Variants in ADCY5 observed in about 807,000 individuals in gnomAD.
ADCY5 encodes adenylate cyclase type 5.
Under a neutral mutation model 119.7 loss-of-function variants are expected in ADCY5, and 30 were observed. The ratio of observed to expected loss-of-function variants is 0.25; its 90% confidence interval spans 0.19 to 0.34. The LOEUF (loss-of-function observed/expected upper bound fraction) is 0.34, where lower values mean the gene tolerates loss of function less well. Among genes scored for constraint, ADCY5 ranks in the 10% least tolerant of loss-of-function variants. The pLI, the probability that ADCY5 is intolerant of heterozygous loss-of-function variation, is 1.00. For missense variants in ADCY5, 1,324 were observed against 1,775.2 expected, an observed-to-expected ratio of 0.75 and a Z score of 4.57; for synonymous variants, 753 against 762.2, an observed-to-expected ratio of 0.99 and a Z score of 0.20.
At chr3:123,285,618 G>A (rs1331886898) in intron 20 of ADCY5, among the ~76,000 whole-genome samples, 2 of 152,248 alleles carry the variant, frequency 1.3e-5, no homozygotes, top group Non-Finnish European at 2.9e-5. Context: ...ACCCCACTGT[G>A]TTACTAGCTG....
Position 123,378,189 on chromosome 3 carries a change from C to A in ADCY5, c.1135-25608G>T, listed in dbSNP as rs142115667. Reference sequence around the variant, plus strand: ...AGCACCCACGTGGTCACTCAACTCTCATCTTCACAGTCTGGCCAAATCCCA... The same window carrying A: ...AGCACCCACGTGGTCACTCAACTCTAATCTTCACAGTCTGGCCAAATCCCA... On this transcript the variant is annotated intron_variant, in intron 1 of 20. Coordinates refer to ENST00000462833, the MANE Select transcript of ADCY5 (RefSeq NM_183357.3). 2.9e-3 allele frequency among the ~76,000 whole-genome samples: 444 copies of A among 152,244 alleles called. 2 individuals are homozygous for A. The highest frequency in any genetic ancestry group is 5.1e-3 in the Non-Finnish European group (347 of 68,022).
At chr3:123,338,764 T>TCAGCCCTC (rs1278510327) in intron 3 of ADCY5, among the ~76,000 whole-genome samples, 1 of 152,216 alleles carries the variant, frequency 6.6e-6, no homozygotes, top group Admixed American at 6.5e-5. Context: ...AACAGGCCCT[T>TCAGCCCTC]CAGCCCTCCA....
At chr3:123,294,220 A>C (rs987839782) in intron 17 of ADCY5, among the ~76,000 whole-genome samples, 1 of 152,252 alleles carries the variant, frequency 6.6e-6, no homozygotes, top group Non-Finnish European at 1.5e-5. Context: ...CCAACCAGCA[A>C]GTCCAGAAGG....
At chr3:123,403,469 C>T (rs996833372) in intron 1 of ADCY5, among the ~76,000 whole-genome samples, 10 of 151,994 alleles carry the variant, frequency 6.6e-5, no homozygotes, top group East Asian at 3.8e-4. Context: ...CCACCACCAA[C>T]GGCCTGTGTT....
At chr3:123,424,054 C>T (rs1159023922) in intron 1 of ADCY5, among the ~76,000 whole-genome samples, 1 of 152,232 alleles carries the variant, frequency 6.6e-6, no homozygotes, top group Non-Finnish European at 1.5e-5. Flanking sequence ...CATGGTGAGG[C>T]CACCGTCCTA....
chr3:123,395,044 G>C (rs900916976), intron 1 of ADCY5, among the ~76,000 whole-genome samples: 1 of 152,196 alleles, frequency 6.6e-6, no homozygotes, highest in Non-Finnish European at 1.5e-5. Flanking sequence ...ATGACCCTTT[G>C]GACAGTCCCC....
At chr3:123,345,751 CAG>C (rs1269775366) in intron 3 of ADCY5, among the ~76,000 whole-genome samples, 574 of 51,442 alleles carry the variant, frequency 0.011, 3 homozygotes, top group African/African-American at 0.027. Context: ...GACAGACAGA[CAG>C]ACAGACAGAC....
At chr3:123,384,579 C>T (rs1329232150) in intron 1 of ADCY5, among the ~76,000 whole-genome samples, 1 of 152,200 alleles carries the variant, frequency 6.6e-6, no homozygotes, top group Non-Finnish European at 1.5e-5. Flanking sequence ...ACAGACACTG[C>T]CCTTCCTCTG....
intron 1 of ADCY5, among the ~76,000 whole-genome samples, chr3:123,359,362 A>ATATATATATATATG (rs1943162312): frequency 7.8e-6 from 1 of 128,464 alleles, no homozygotes; most frequent in Non-Finnish European, 1.7e-5. Context: ...ATATATATAT[A>ATATATATATATATG]TTCATTATTT....
chr3:123,366,153 C>T (rs922131150), intron 1 of ADCY5, among the ~76,000 whole-genome samples: 1 of 152,200 alleles, frequency 6.6e-6, no homozygotes, highest in East Asian at 1.9e-4. Context: ...AGTTTGTTTT[C>T]TTTGTTTTTA....
Position 123,327,775 on chromosome 3 carries a change from G to C in ADCY5, c.1806-16C>G. On this transcript the variant is annotated splice_polypyrimidine_tract_variant and intron_variant, in intron 6 of 20. Transcript: ENST00000462833. The stretch of plus-strand genomic sequence containing the variant: ...GTGGATGCGTCTACAGGGGGGCAGG[G>C]ATCAGGGTGGAGAGGGCAGAAAACT... 6.2e-7 allele frequency: 1 copy of C among 1,613,666 alleles called. No individual in the cohort carries two copies. The highest frequency in any genetic ancestry group is 2.2e-5 in the East Asian group (1 of 44,874).
rs546499826 is a variant in ADCY5 at position 123,448,546 on chromosome 3, C to A, written c.-1G>T. 1.1e-5 allele frequency: 14 copies of A among 1,261,946 alleles called. No homozygotes were observed. The East Asian group carries it at 3.8e-4, about 34-fold the overall frequency. 78.2% of individuals were successfully genotyped at this position (1,261,946 alleles called of 1,614,324 possible). On this transcript the variant is annotated 5_prime_UTR_variant, in exon 1 of 21. Transcript: ENST00000462833. ...GGCTCACGCTTTTGGAGCCGGACAT[C>A]CCCCCCTCGGCCTCGTCGTCTCCTT...
At chr3:123,392,746 C>T (rs1944432022) in intron 1 of ADCY5, among the ~76,000 whole-genome samples, 1 of 151,932 alleles carries the variant, frequency 6.6e-6, no homozygotes, top group East Asian at 1.9e-4. Flanking sequence ...CCCTCTCCCT[C>T]TCTCTCTCTC....
intron 1 of ADCY5, among the ~76,000 whole-genome samples, chr3:123,390,206 C>G (rs1944363961): frequency 6.6e-6 from 1 of 152,232 alleles, no homozygotes; most frequent in Non-Finnish European, 1.5e-5. Flanking sequence ...CACAGCCAAG[C>G]CTGGCTTTTT....
rs1160243689 is a variant in ADCY5 at position 123,448,390 on chromosome 3, G to A, written c.156C>T (p.Gly52=). ...YPHAPGGSAR[G]STKKPGGAVT... ...CCGCCCCCCCGGGTTTCTTGGTGGAGCCGCGGGCAGAGCCCCCGGGGGCAT... is the reference window on the plus strand; with the variant it reads ...CCGCCCCCCCGGGTTTCTTGGTGGAACCGCGGGCAGAGCCCCCGGGGGCAT... Residue 52 remains glycine (G), a synonymous_variant, in exon 1 of 21, where the codon GGC becomes GGT. Transcript: ENST00000462833. 1.4e-6 allele frequency: 2 copies of A among 1,456,292 alleles called. No homozygotes were observed. Among genetic ancestry groups the A allele is most frequent in the East Asian group, 2.9e-5 (1 of 34,042 alleles). 90.2% of individuals were successfully genotyped at this position (1,456,292 alleles called of 1,614,324 possible). A position where few individuals can be genotyped will look rare whatever the true frequency, so the allele number is the denominator to read the frequency against.
intron 1 of ADCY5, among the ~76,000 whole-genome samples, chr3:123,398,827 A>G (rs918721141): frequency 6.6e-6 from 1 of 152,144 alleles, no homozygotes; most frequent in Non-Finnish European, 1.5e-5. Flanking sequence ...CACTATAACT[A>G]TTTGTACCTA....
intron 1 of ADCY5, among the ~76,000 whole-genome samples, chr3:123,412,309 G>C (rs1945072340): frequency 6.6e-6 from 1 of 152,214 alleles, no homozygotes; most frequent in South Asian, 2.1e-4. Context: ...ACAGGAGACA[G>C]GGTGTGGTGG....
chr3:123,387,994 G>A (rs2107577867), intron 1 of ADCY5, among the ~76,000 whole-genome samples: 1 of 152,326 alleles, frequency 6.6e-6, no homozygotes, highest in East Asian at 1.9e-4. Flanking sequence ...CAGATGAGTA[G>A]CAAAGGGGGA....
At chr3:123,308,054 GAC>G (rs1940302919) in intron 12 of ADCY5, among the ~76,000 whole-genome samples, 1 of 74,614 alleles carries the variant, frequency 1.3e-5, no homozygotes, top group Admixed American at 2.0e-4. Context: ...TTTTTTTTGA[GAC>G]AGAGTCTCGC....
Sources: allele counts gnomAD v4.1 joint callset (sites outside exome capture counted in the v4.1 genomes callset), GRCh38; gene constraint gnomAD v4.1.1; transcripts MANE v1.5; gene names NCBI Gene and HGNC (gene_info 2026-07-23, HGNC 2026-07-21).